The following STX17 variants were observed in gnomAD, a reference collection of about 807,000 sequenced individuals.
STX17 encodes syntaxin 17.
In STX17, 29 loss-of-function variants were observed where a neutral mutation model predicts 35.9. That is an observed-to-expected ratio of 0.81 (90% CI 0.60 to 1.10). The LOEUF is 1.10. STX17 is among the 50% of genes least tolerant of loss of function. STX17 has a pLI of 0.00. For missense variants in STX17, 312 were observed against 352.3 expected, an observed-to-expected ratio of 0.89 and a Z score of 0.92; for synonymous variants, 92 against 118.3, an observed-to-expected ratio of 0.78 and a Z score of 1.44.
In STX17 at chr9:99,967,472, CT is replaced by C. The variant is rs57439508; in HGVS notation, c.583-173del. 2,467 of 377,412 alleles carry C rather than the reference CT, an allele frequency of 6.5e-3. 83 individuals carry two copies. Among genetic ancestry groups the C allele is most frequent in the Admixed American group, 0.058 (1,529 of 26,196 alleles). 23.4% of individuals were successfully genotyped at this position (377,412 alleles called of 1,614,324 possible). On this transcript the variant is annotated intron_variant, in intron 6 of 7. Transcript: ENST00000259400. ...ATTACCTAATAATTAAGACCCCCCC[CT>C]TTTTTTTATGAAAGTTAATTTGTCC...
chr9:99,931,164 A>G (rs896464680), intron 3 of STX17, among the ~76,000 whole-genome samples: 4 of 152,232 alleles, frequency 2.6e-5, no homozygotes, highest in Admixed American at 6.5e-5. Flanking sequence ...TATTTTTAGT[A>G]GAAACGGGGT....
chr9:99,968,598 G>C lies in STX17; in HGVS notation c.834G>C (p.Lys278Asn). The change falls in exon 8 of 8, where the codon AAG becomes AAC. Residue 278 changes from lysine (K) to asparagine (N), a missense_variant. Coordinates refer to ENST00000259400, the MANE Select transcript of STX17 (RefSeq NM_017919.3). ...CAGGTGGAAAATTGATACAAAGAAA[G>C]AAACAGAAAATGATGGAGAAGCTCA... ...GFTGGKLIQR[K>N]KQKMMEKLTS... 1 of 1,613,872 alleles carries C rather than the reference G, an allele frequency of 6.2e-7. No individual in the cohort carries two copies. Among genetic ancestry groups the C allele is most frequent in the African/African-American group, 1.3e-5 (1 of 74,976 alleles).
chr9:99,930,807 T>C (rs10122128), intron 3 of STX17, among the ~76,000 whole-genome samples: 61,205 of 151,972 alleles, frequency 0.4, 13,106 homozygotes, highest in East Asian at 0.7. Context: ...ATATAAGTAA[T>C]TGTATTTCTA....
chr9:99,968,658 C>G lies in STX17; in HGVS notation c.894C>G (p.Asp298Glu), dbSNP rs181367661. The G allele has an allele frequency of 3.5e-4, 572 of 1,613,452 alleles. No individual in the cohort carries two copies. Among genetic ancestry groups the G allele is most frequent in the Admixed American group, 3.5e-4 (21 of 59,928 alleles). Residue 298 changes from aspartate to glutamate, a missense_variant, in exon 8 of 8, where the codon GAC (aspartate) becomes GAG (glutamate). Physicochemically the swap from Asp to Glu is conservative, Grantham distance 45. Coordinates refer to ENST00000259400, the MANE Select transcript of STX17 (RefSeq NM_017919.3). ...SSCPDLPSQT[D>E]KKCS is the part of the protein sequence containing the mutation. ...GTCCAGATCTTCCCAGCCAAACTGA[C>G]AAGAAATGCAGTTAAAAACCAAATT...
Position 99,958,104 on chromosome 9 carries a change from T to C in STX17, c.416-1813T>C, listed in dbSNP as rs549904181. Among the ~76,000 whole-genome samples the C allele has an allele frequency of 2.0e-5, 3 of 152,328 alleles. No individual in the cohort carries two copies. In the East Asian group the frequency reaches 5.8e-4, roughly 29 times the overall value. On this transcript the variant is annotated intron_variant, in intron 4 of 7. Coordinates refer to ENST00000259400, the MANE Select transcript of STX17 (RefSeq NM_017919.3). ...GCCATGAATAATCTCAAAGTAGATT[T>C]CCAGCCTTAGACTTTGCTTTTCTCC...
At chr9:99,928,080 T>C (rs1053078630) in intron 2 of STX17, among the ~76,000 whole-genome samples, 1 of 152,160 alleles carries the variant, frequency 6.6e-6, no homozygotes, top group South Asian at 2.1e-4. Context: ...CTGCTAACAT[T>C]TTAATTATTT....
intron 3 of STX17, among the ~76,000 whole-genome samples, chr9:99,940,470 CTTTTT>C (rs71498721): frequency 9.3e-6 from 1 of 107,738 alleles, no homozygotes; most frequent in Non-Finnish European, 1.9e-5. Flanking sequence ...TAGAATTTTA[CTTTTT>C]TTTTTTTTTT....
chr9:99,927,667 G>A (rs1022200709), intron 2 of STX17, among the ~76,000 whole-genome samples: 12 of 152,178 alleles, frequency 7.9e-5, no homozygotes, highest in Admixed American at 7.9e-4. Context: ...AGTAGAGACG[G>A]GGTTTCACCA....
chr9:99,941,897 A>G (rs1233102791), intron 3 of STX17, among the ~76,000 whole-genome samples: 2 of 152,172 alleles, frequency 1.3e-5, no homozygotes, highest in Non-Finnish European at 2.9e-5. Flanking sequence ...GTGGATGGAC[A>G]TTTGAGTTGT....
At chr9:99,959,129 T>G (rs1465093761) in intron 4 of STX17, among the ~76,000 whole-genome samples, 1 of 152,194 alleles carries the variant, frequency 6.6e-6, no homozygotes, top group East Asian at 1.9e-4. Flanking sequence ...TACGTCTCCT[T>G]GGAACATTGG....
At chr9:99,933,731 A>C (rs1587922472) in intron 3 of STX17, among the ~76,000 whole-genome samples, 1 of 152,290 alleles carries the variant, frequency 6.6e-6, no homozygotes, top group Non-Finnish European at 1.5e-5. Flanking sequence ...CTTCTCTTGA[A>C]TCTGGGCAGA....
intron 3 of STX17, among the ~76,000 whole-genome samples, chr9:99,934,689 GATTA>G (rs1161516300): frequency 5.3e-5 from 8 of 152,132 alleles, no homozygotes; most frequent in Admixed American, 2.6e-4. Context: ...AAAGAAATCA[GATTA>G]ATTATTATGA....
intron 3 of STX17, among the ~76,000 whole-genome samples, chr9:99,930,599 AACTC>A (rs1343615492): frequency 2.0e-5 from 3 of 151,990 alleles, no homozygotes; most frequent in Non-Finnish European, 2.9e-5. Flanking sequence ...TGTTCTTCTG[AACTC>A]TTCTTCCCCT....
chr9:99,940,332 C>G (rs947795265), intron 3 of STX17, among the ~76,000 whole-genome samples: 2 of 151,624 alleles, frequency 1.3e-5, no homozygotes, highest in Non-Finnish European at 2.9e-5. Flanking sequence ...GGTTTTACCA[C>G]GTTGGCCAGG....
At position 99,959,799 on chromosome 9, in the gene STX17, A is replaced by G. The variant is rs566229009; in HGVS notation, c.416-118A>G. ...TTTGTAGAATAATCAATTTCCTTTT[A>G]GCCTAAATTTAATTAGACACCATTT... is the stretch of plus-strand genomic sequence containing the variant. On this transcript the variant is annotated intron_variant, in intron 4 of 7. Transcript: ENST00000259400. The G allele has an allele frequency of 6.7e-4, 521 of 773,180 alleles. 1 individual carries two copies. The highest frequency in any genetic ancestry group is 7.2e-4 in the Non-Finnish European group (333 of 463,226). 47.9% of individuals were successfully genotyped at this position (773,180 alleles called of 1,614,324 possible).
intron 2 of STX17, among the ~76,000 whole-genome samples, chr9:99,923,507 A>G (rs1828928265): frequency 6.6e-6 from 1 of 152,204 alleles, no homozygotes; most frequent in African/African-American, 2.4e-5. Context: ...CAACAACAAC[A>G]GTCACCAACA....
At chr9:99,913,009 G>T (rs951796810) in intron 1 of STX17, among the ~76,000 whole-genome samples, 5 of 151,904 alleles carry the variant, frequency 3.3e-5, no homozygotes, top group Non-Finnish European at 7.4e-5. Flanking sequence ...ATTTACCTGG[G>T]AATATACCAA....
At chr9:99,964,857 CTG>C (rs1372758474) in intron 6 of STX17, among the ~76,000 whole-genome samples, 1 of 152,136 alleles carries the variant, frequency 6.6e-6, no homozygotes, top group Non-Finnish European at 1.5e-5. Context: ...TGCTGCCTAA[CTG>C]TAACCTTTGT....
At chr9:99,946,811 C>T (rs1829491950) in intron 3 of STX17, among the ~76,000 whole-genome samples, 1 of 152,104 alleles carries the variant, frequency 6.6e-6, no homozygotes, top group Non-Finnish European at 1.5e-5. Flanking sequence ...GTTCCATTGT[C>T]TTTAGGCTTT....
Sources: gnomAD v4.1 joint callset for allele counts (sites outside exome capture counted in the v4.1 genomes callset) on GRCh38, gnomAD v4.1.1 for gene constraint, MANE v1.5 for transcripts, NCBI Gene and HGNC (gene_info 2026-07-23, HGNC 2026-07-21) for gene names.